ZNF609: variants seen among roughly 807,000 people sequenced by gnomAD.
ZNF609 encodes zinc finger protein 609.
ZNF609 carries 11 observed loss-of-function variants against 109.5 expected under a neutral mutation model. The observed-to-expected ratio is 0.10, with a 90% CI of 0.06 to 0.17. The LOEUF is 0.17. Among genes scored for constraint, ZNF609 ranks in the 10% least tolerant of loss-of-function variants. The pLI is 1.00. For missense variants in ZNF609, 1,559 were observed against 1,772.4 expected (o/e 0.88, Z 2.16); for synonymous variants, 646 against 662.0 (o/e 0.98, Z 0.37).
At chr15:64,679,068 GTTTT>G (rs1896845407) in intron 6 of ZNF609, among the ~76,000 whole-genome samples, 1 of 152,138 alleles carries the variant, frequency 6.6e-6, no homozygotes, top group African/African-American at 2.4e-5. Flanking sequence ...GTGTTTAAAT[GTTTT>G]TTGTTTGTTT....
chr15:64,630,668 G>C (rs560862180), intron 3 of ZNF609, among the ~76,000 whole-genome samples: 2 of 150,962 alleles, frequency 1.3e-5, no homozygotes, highest in African/African-American at 4.9e-5. Context: ...GAGTTTCACC[G>C]TGTTAGCCAG....
intron 3 of ZNF609, among the ~76,000 whole-genome samples, chr15:64,636,728 G>T (rs1896183192): frequency 6.6e-6 from 1 of 152,150 alleles, no homozygotes; most frequent in African/African-American, 2.4e-5. Context: ...GCCATGTGCT[G>T]TTGCCTTAGA....
Position 64,674,166 on chromosome 15 carries a change from A to G in ZNF609, c.1312A>G (p.Asn438Asp). 2 of 1,614,162 alleles carry G rather than the reference A, an allele frequency of 1.2e-6. No homozygotes were observed. The highest frequency in any genetic ancestry group is 1.7e-6 in the Non-Finnish European group (2 of 1,180,024). The change falls in exon 5 of 10, where the codon AAT becomes GAT. Residue 438 changes from asparagine to aspartate, a missense_variant. By Grantham distance (23) the Asn-to-Asp change is conservative. Transcript: ENST00000326648. ...EDVKASPSSA[N>D]KRKNKPLSDM... is the part of the protein sequence containing the mutation. ...TGTCAAGGCCAGCCCTTCCTCAGCT[A>G]ATAAGCGGAAAAACAAACCCCTTTC...
chr15:64,550,741 C>A (rs1403686024), intron 2 of ZNF609, among the ~76,000 whole-genome samples: 1 of 145,590 alleles, frequency 6.9e-6, no homozygotes, highest in African/African-American at 2.5e-5. Flanking sequence ...GAGGCCGAGA[C>A]AGGAGAATCG....
At chr15:64,539,038 C>G (rs1254640047) in intron 2 of ZNF609, among the ~76,000 whole-genome samples, 1 of 147,744 alleles carries the variant, frequency 6.8e-6, no homozygotes, top group Non-Finnish European at 1.5e-5. Context: ...GAGTCTTGTT[C>G]TGTCACCCAG....
At chr15:64,514,860 C>T (rs868386864) in intron 2 of ZNF609, among the ~76,000 whole-genome samples, 2 of 152,288 alleles carry the variant, frequency 1.3e-5, no homozygotes, top group South Asian at 4.1e-4. Flanking sequence ...TGGCCCCAAA[C>T]TCCTAGTCTC....
chr15:64,487,389 GTATAA>G (rs989567018), intron 1 of ZNF609, among the ~76,000 whole-genome samples: 8 of 152,118 alleles, frequency 5.3e-5, no homozygotes, highest in African/African-American at 1.9e-4. Flanking sequence ...TTTTTAAAAA[GTATAA>G]TATGTATGTA....
chr15:64,598,333 C>G (rs1046186939), intron 2 of ZNF609, among the ~76,000 whole-genome samples: 2 of 152,136 alleles, frequency 1.3e-5, no homozygotes, highest in Non-Finnish European at 2.9e-5. Flanking sequence ...CCATGCTGGT[C>G]TCAGACTCCT....
chr15:64,663,491 A>G (rs1261330253), intron 3 of ZNF609, among the ~76,000 whole-genome samples: 2 of 152,168 alleles, frequency 1.3e-5, no homozygotes, highest in Non-Finnish European at 2.9e-5. Flanking sequence ...TGAGATCTCC[A>G]TTTAGACGTC....
At position 64,675,885 on chromosome 15, in the gene ZNF609, C is replaced by T. The variant is rs144448910; in HGVS notation, c.3031C>T (p.Arg1011Cys). ...YRQQYEEQQK[R>C]QSLEQQQRGV... ...GCAGCAGTACGAAGAACAGCAGAAA[C>T]GCCAGAGCTTAGAGCAGCAGCAGCG... Residue 1011 changes from arginine to cysteine, a missense_variant, in exon 5 of 10, where the codon CGC (arginine) becomes TGC (cysteine). Around this residue, in one of 4 missense-constraint regions of ZNF609, gnomAD observed 1,204 missense variants for 1,314.1 expected, o/e 0.92. Transcript: ENST00000326648. 2.1e-4 allele frequency: 340 copies of T among 1,614,204 alleles called. No individual in the cohort carries two copies. Among genetic ancestry groups the T allele is most frequent in the Non-Finnish European group, 2.6e-4 (306 of 1,180,052 alleles).
chr15:64,545,130 A>C (rs1290602339), intron 2 of ZNF609, among the ~76,000 whole-genome samples: 1 of 152,170 alleles, frequency 6.6e-6, no homozygotes, highest in Admixed American at 6.5e-5. Context: ...TTTCTTTTGC[A>C]ACCAGATCTA....
In ZNF609 at chr15:64,676,179, A is replaced by G; in HGVS notation, c.3325A>G (p.Lys1109Glu). Residue 1109 changes from lysine to glutamate, a missense_variant, in exon 5 of 10, where the codon AAG (lysine) becomes GAG (glutamate). Physicochemically the swap from Lys to Glu is moderately conservative, Grantham distance 56. Transcript: ENST00000326648. The stretch of plus-strand genomic sequence containing the variant: ...GCTGAGTGATGCCAGCCACCTAAGC[A>G]AGGAGGCCTCTGAGGCCAAGACAGG... ...VKLSDASHLSKEASEAKTGAE... is the reference protein window; with the variant it reads ...VKLSDASHLSEEASEAKTGAE... 1 of 1,614,214 alleles carries G rather than the reference A, an allele frequency of 6.2e-7. No individual in the cohort carries two copies. The highest frequency in any genetic ancestry group is 8.5e-7 in the Non-Finnish European group (1 of 1,180,038).
intron 2 of ZNF609, among the ~76,000 whole-genome samples, chr15:64,504,101 C>T (rs1173465064): frequency 2.6e-5 from 4 of 152,160 alleles, no homozygotes; most frequent in African/African-American, 9.7e-5. Context: ...AGCTTTGCTT[C>T]CTGAAACCAA....
chr15:64,551,666 A>G (rs903935085), intron 2 of ZNF609, among the ~76,000 whole-genome samples: 4 of 149,116 alleles, frequency 2.7e-5, no homozygotes, highest in African/African-American at 9.8e-5. Flanking sequence ...AAAAAAAAAA[A>G]AAGAGAGAAA....
At chr15:64,486,848 G>A (rs1002594547) in intron 1 of ZNF609, among the ~76,000 whole-genome samples, 1 of 152,096 alleles carries the variant, frequency 6.6e-6, no homozygotes, top group South Asian at 2.1e-4. Context: ...TAATCTGTCC[G>A]CCTTGGCCTC....
At chr15:64,655,095 C>CA (rs34537642) in intron 3 of ZNF609, among the ~76,000 whole-genome samples, 47,230 of 104,526 alleles carry the variant, frequency 0.45, 10,978 homozygotes, top group Non-Finnish European at 0.56. Context: ...GACTCCATCT[C>CA]AAAAAAAAAA....
intron 2 of ZNF609, among the ~76,000 whole-genome samples, chr15:64,574,321 G>T (rs964841076): frequency 2.0e-5 from 3 of 152,022 alleles, no homozygotes; most frequent in African/African-American, 7.3e-5. Context: ...ACCTGCAGGG[G>T]TTTATTGATG....
intron 3 of ZNF609, among the ~76,000 whole-genome samples, chr15:64,624,846 G>A (rs1264726049): frequency 6.8e-6 from 1 of 147,862 alleles, no homozygotes; most frequent in African/African-American, 2.5e-5. Context: ...TGCAACCTCT[G>A]CCTCCCAGGT....
chr15:64,508,697 T>TC (rs1893670639), intron 2 of ZNF609, among the ~76,000 whole-genome samples: 1 of 150,884 alleles, frequency 6.6e-6, no homozygotes, highest in Admixed American at 6.6e-5. Context: ...TTTTTTTTTT[T>TC]TTTTTTTTTG....
Sources: gnomAD v4.1 joint callset for allele counts (sites outside exome capture counted in the v4.1 genomes callset) on GRCh38, gnomAD v4.1.1 for gene constraint, gnomAD v4.1.1 regional missense constraint, MANE v1.5 for transcripts, NCBI Gene and HGNC (gene_info 2026-07-23, HGNC 2026-07-21) for gene names.